The following LPP variants were observed in gnomAD, a reference collection of about 807,000 sequenced individuals.
LPP encodes the protein lipoma-preferred partner.
A neutral mutation model predicts 60.4 loss-of-function variants in LPP; 38 were observed. That is an observed-to-expected ratio of 0.63 (90% CI 0.49 to 0.83). The LOEUF (loss-of-function observed/expected upper bound fraction) is 0.83, where lower values mean the gene tolerates loss of function less well. LPP is among the 40% of genes least tolerant of loss of function. The pLI is 0.00. For synonymous variants in LPP, 328 were observed against 290.8 expected (o/e 1.13, Z -1.30); for missense variants, 902 against 783.6 (o/e 1.15, Z -1.80).
In LPP at chr3:188,189,246, C is replaced by T. The variant is rs564546761; in HGVS notation, c.-190+34994C>T. ...AGACTACAAGCATGTGCCATCATGC[C>T]CAGCTAAGTTTTGTATTTTTTAATA... is the stretch of plus-strand genomic sequence containing the variant. On this transcript the variant is annotated intron_variant, in intron 1 of 11. Coordinates refer to ENST00000617246, the MANE Select transcript of LPP (RefSeq NM_001375462.1). Among the ~76,000 whole-genome samples the T allele has an allele frequency of 5.9e-5, 9 of 152,226 alleles. 1 individual carries two copies. In the South Asian group the frequency reaches 1.2e-3, roughly 21 times the overall value.
chr3:188,777,003 G>A (rs1285207189), intron 9 of LPP, among the ~76,000 whole-genome samples: 1 of 152,176 alleles, frequency 6.6e-6, no homozygotes, highest in Admixed American at 6.5e-5. Context: ...CCATTAGATG[G>A]TATTAAGCAA....
chr3:188,865,613 C>T (rs1280153157), intron 9 of LPP, among the ~76,000 whole-genome samples: 1 of 151,960 alleles, frequency 6.6e-6, no homozygotes, highest in Admixed American at 6.5e-5. Flanking sequence ...ATTCCTCAAT[C>T]GGTGAACCAG....
At chr3:188,838,867 C>T (rs1481952953) in intron 9 of LPP, among the ~76,000 whole-genome samples, 1 of 151,852 alleles carries the variant, frequency 6.6e-6, no homozygotes, top group African/African-American at 2.4e-5. Context: ...TCGTGGGGGT[C>T]GGGTGCAAGG....
intron 9 of LPP, among the ~76,000 whole-genome samples, chr3:188,817,984 A>G (rs1410448885): frequency 6.6e-6 from 1 of 152,300 alleles, no homozygotes; most frequent in South Asian, 2.1e-4. Context: ...AGGCGTATCA[A>G]ATATGTTCAG....
chr3:188,331,215 G>T (rs572085867), intron 2 of LPP, among the ~76,000 whole-genome samples: 2 of 152,196 alleles, frequency 1.3e-5, no homozygotes, highest in African/African-American at 4.8e-5. Context: ...TTTAGAGAGC[G>T]TTCTTCACAT....
intron 4 of LPP, among the ~76,000 whole-genome samples, chr3:188,429,686 T>C (rs1205642791): frequency 6.6e-6 from 1 of 152,204 alleles, no homozygotes; most frequent in Admixed American, 6.5e-5. Context: ...AATAGAGATA[T>C]GTCCTTCATT....
chr3:188,817,251 T>A (rs1160225143), intron 9 of LPP, among the ~76,000 whole-genome samples: 1 of 152,168 alleles, frequency 6.6e-6, no homozygotes, highest in Non-Finnish European at 1.5e-5. Context: ...ATCTGGTGCG[T>A]TTCTTCCTCT....
At chr3:188,775,646 C>T (rs1737507512) in intron 9 of LPP, among the ~76,000 whole-genome samples, 1 of 152,182 alleles carries the variant, frequency 6.6e-6, no homozygotes, top group Non-Finnish European at 1.5e-5. Context: ...CTGCAGGTTA[C>T]TCCAGCAAAG....
chr3:188,492,553 C>G (rs1160811770), intron 5 of LPP, among the ~76,000 whole-genome samples: 1 of 151,892 alleles, frequency 6.6e-6, no homozygotes, highest in Non-Finnish European at 1.5e-5. Flanking sequence ...AAAATTTGCT[C>G]TGTGTGGTCG....
intron 2 of LPP, among the ~76,000 whole-genome samples, chr3:188,331,025 G>GT (rs1759911182): frequency 1.3e-5 from 2 of 151,684 alleles, no homozygotes; most frequent in African/African-American, 2.4e-5. Context: ...TTCTACATTT[G>GT]TTTTTTTCTA....
intron 6 of LPP, among the ~76,000 whole-genome samples, chr3:188,548,241 A>G (rs2150478017): frequency 6.6e-6 from 1 of 152,270 alleles, no homozygotes; most frequent in South Asian, 2.1e-4. Context: ...TTTAGCAGGC[A>G]AGCTATTTCA....
intron 4 of LPP, chr3:188,472,842 A>G (rs1199832897): frequency 6.6e-6 from 1 of 152,086 alleles, no homozygotes; most frequent in Non-Finnish European, 1.5e-5. Context: ...AATAGTAAGA[A>G]CCTCTTCTCT....
intron 3 of LPP, among the ~76,000 whole-genome samples, chr3:188,350,078 A>G (rs569084042): frequency 2.0e-5 from 3 of 152,304 alleles, no homozygotes; most frequent in East Asian, 1.9e-4. Flanking sequence ...GGCAGGCAAC[A>G]TGGCATGTTT....
In LPP at chr3:188,739,552, C is replaced by T. The variant is rs1723687845; in HGVS notation, c.1241-20561C>T. Among the ~76,000 whole-genome samples, 3 of 152,032 alleles carry T rather than the reference C, an allele frequency of 2.0e-5. No individual in the cohort carries two copies. The South Asian group carries it at 6.2e-4, about 31-fold the overall frequency. Reference sequence around the variant, plus strand: ...TTTTATAATGAAGGGCTTTTAATTTCAAGTGATGGGTCAGTGTATAATTCC... The same window carrying T: ...TTTTATAATGAAGGGCTTTTAATTTTAAGTGATGGGTCAGTGTATAATTCC... On this transcript the variant is annotated intron_variant, in intron 8 of 11. Transcript: ENST00000617246.
At chr3:188,773,159 C>T (rs536817201) in intron 9 of LPP, among the ~76,000 whole-genome samples, 7 of 152,144 alleles carry the variant, frequency 4.6e-5, no homozygotes, top group South Asian at 4.2e-4. Flanking sequence ...GAATGGGACA[C>T]GGTAATTCCT....
At chr3:188,756,495 G>A (rs1307638638) in intron 8 of LPP, among the ~76,000 whole-genome samples, 1 of 152,132 alleles carries the variant, frequency 6.6e-6, no homozygotes, top group Non-Finnish European at 1.5e-5. Context: ...TCTAAAAGAT[G>A]GGCCTTAAGA....
intron 2 of LPP, among the ~76,000 whole-genome samples, chr3:188,332,231 C>T (rs1173488639): frequency 6.6e-6 from 1 of 152,080 alleles, no homozygotes; most frequent in Non-Finnish European, 1.5e-5. Context: ...CAGCTGCTGC[C>T]TACATTTCTG....
chr3:188,279,776 C>G (rs991844912), intron 2 of LPP, among the ~76,000 whole-genome samples: 1 of 152,202 alleles, frequency 6.6e-6, no homozygotes, highest in Non-Finnish European at 1.5e-5. Flanking sequence ...TTTATTCTTG[C>G]AGGAAAAGTC....
chr3:188,702,437 G>A (rs1864662197), intron 7 of LPP, among the ~76,000 whole-genome samples: 1 of 149,956 alleles, frequency 6.7e-6, no homozygotes, highest in South Asian at 2.1e-4. Context: ...TCAGAACACT[G>A]AATTCATACC....
Sources: gnomAD v4.1 joint callset for allele counts (sites outside exome capture counted in the v4.1 genomes callset) on GRCh38, gnomAD v4.1.1 for gene constraint, MANE v1.5 for transcripts, NCBI Gene and HGNC (gene_info 2026-07-23, HGNC 2026-07-21) for gene names.